EIF2AK4: variants seen among roughly 807,000 people sequenced by gnomAD.
EIF2AK4 encodes the protein eukaryotic translation initiation factor 2 alpha kinase 4, also known as eIF-2-alpha kinase GCN2.
EIF2AK4 carries 139 observed loss-of-function variants against 211.1 expected under a neutral mutation model. That is an observed-to-expected ratio of 0.66 (90% CI 0.57 to 0.76). The LOEUF (loss-of-function observed/expected upper bound fraction) is 0.76. Among genes scored for constraint, EIF2AK4 ranks in the 30% least tolerant of loss-of-function variants. EIF2AK4 has a pLI of 0.00. For missense variants in EIF2AK4, 1,664 were observed against 2,043.8 expected (o/e 0.81, Z 3.58); for synonymous variants, 710 against 751.3 (o/e 0.94, Z 0.90).
intron 4 of EIF2AK4, among the ~76,000 whole-genome samples, chr15:39,951,134 A>AT (rs1470621803): frequency 6.6e-5 from 10 of 152,080 alleles, no homozygotes; most frequent in Non-Finnish European, 1.5e-5. Context: ...TAATAAGAGA[A>AT]TTTTTTGCGG....
rs188124428 is a variant in EIF2AK4, at chr15:40,009,577, T to C, written c.3577-37T>C. ...ATTTGGTCATGTACCAGTAATTGCT[T>C]TTATAATGAAAATAGTAATTTTTCT... On this transcript the variant is annotated intron_variant, in intron 25 of 38. Coordinates refer to ENST00000263791, the MANE Select transcript of EIF2AK4 (RefSeq NM_001013703.4). 113 of 1,394,412 alleles carry C rather than the reference T, an allele frequency of 8.1e-5. No homozygotes were observed. The East Asian group carries it at 2.5e-3, about 31-fold the overall frequency. The allele number at this position is 1,394,412 out of a possible 1,614,324, so 86.4% of individuals were successfully genotyped here.
Position 40,001,015 on chromosome 15 carries a change from C to T in EIF2AK4, c.2950C>T (p.His984Tyr). ...ATCAGTCATCTCCTGGCTGTTGAAC[C>T]ACGATCCAGCAAAACGGCCCACAGC... is the stretch of plus-strand genomic sequence containing the variant. Reference protein sequence around the residue: ...QKSVISWLLNHDPAKRPTATE... With the variant: ...QKSVISWLLNYDPAKRPTATE... Residue 984 changes from histidine to tyrosine, a missense_variant, in exon 21 of 39, where the codon CAC (histidine) becomes TAC (tyrosine). Coordinates refer to ENST00000263791, the MANE Select transcript of EIF2AK4 (RefSeq NM_001013703.4). 2 of 1,614,146 alleles carry T rather than the reference C, an allele frequency of 1.2e-6. No homozygotes were observed. The highest frequency in any genetic ancestry group is 1.7e-6 in the Non-Finnish European group (2 of 1,180,040).
chr15:40,030,776 G>A (rs532901634), intron 35 of EIF2AK4, among the ~76,000 whole-genome samples: 9 of 152,252 alleles, frequency 5.9e-5, no homozygotes, highest in Middle Eastern at 3.4e-3. Flanking sequence ...AGAAGAGGCC[G>A]ATGACAAGAC....
At chr15:39,939,970 T>C (rs1049366574) in intron 2 of EIF2AK4, among the ~76,000 whole-genome samples, 13 of 152,212 alleles carry the variant, frequency 8.5e-5, no homozygotes, top group African/African-American at 3.1e-4. Context: ...CTTGCATAGT[T>C]AGAGTGTGGC....
chr15:39,977,037 CCCGG>C, intron 12 of EIF2AK4, 193 bp downstream of exon 12: 1 of 574,404 alleles, frequency 1.7e-6, no homozygotes, highest in Non-Finnish European at 2.7e-6. Flanking sequence ...ACATCCGCCT[CCCGG>C]GCCAGCGAAT....
At chr15:39,992,669 A>T in intron 17 of EIF2AK4, 100 bp from the exon 18 acceptor site, 1 of 976,162 alleles carries the variant, frequency 1.0e-6, no homozygotes, top group African/African-American at 1.6e-5. Context: ...GACAGTTAAC[A>T]GATCATGCCT....
Position 40,008,169 on chromosome 15 carries a change from A to G in EIF2AK4, c.3550A>G (p.Ile1184Val). Reference sequence around the variant, plus strand: ...TGAAATTATCTACACTATCTATGAAATCATCCAAGAGTTTCCAGCACTTCA... The same window carrying G: ...TGAAATTATCTACACTATCTATGAAGTCATCCAAGAGTTTCCAGCACTTCA... ...TAEIIYTIYE[I>V]IQEFPALQER... The change falls in exon 25 of 39, where the codon ATC becomes GTC. Residue 1184 changes from isoleucine (I) to valine (V), a missense_variant. This residue lies in a region of EIF2AK4 where 622 missense variants were observed against 796.8 expected (regional missense o/e 0.78). Coordinates refer to ENST00000263791, the MANE Select transcript of EIF2AK4 (RefSeq NM_001013703.4). The G allele has an allele frequency of 3.1e-6, 5 of 1,608,486 alleles. No homozygotes were observed. The highest frequency in any genetic ancestry group is 4.2e-6 in the Non-Finnish European group (5 of 1,178,272).
At chr15:39,951,466 T>A in intron 4 of EIF2AK4, 1 of 406,218 alleles carries the variant, frequency 2.5e-6, no homozygotes, top group East Asian at 8.7e-5. Context: ...GTTGGTGTTT[T>A]CAAAAAGGCC....
intron 16 of EIF2AK4, among the ~76,000 whole-genome samples, chr15:39,990,911 C>T (rs1426257193): frequency 6.6e-6 from 1 of 152,182 alleles, no homozygotes; most frequent in African/African-American, 2.4e-5. Context: ...AGCAGAGGCC[C>T]CGGGGTAAGC....
chr15:39,959,751 A>T (rs2034440647), intron 6 of EIF2AK4, among the ~76,000 whole-genome samples: 1 of 152,228 alleles, frequency 6.6e-6, no homozygotes, highest in Non-Finnish European at 1.5e-5. Context: ...TGTAATTTTA[A>T]ATCTTTGCTT....
rs1009798795 is a variant in EIF2AK4 at position 40,028,295 on chromosome 15, C to T, written c.4503-1111C>T. 7.2e-5 allele frequency among the ~76,000 whole-genome samples: 11 copies of T among 152,180 alleles called. No individual in the cohort carries two copies. In the East Asian group the frequency reaches 2.1e-3, roughly 29 times the overall value. On this transcript the variant is annotated intron_variant, in intron 33 of 38. Coordinates refer to ENST00000263791, the MANE Select transcript of EIF2AK4 (RefSeq NM_001013703.4). ...TCCCTATGTTGCCCAGGCTGGTCTC[C>T]AACTCCTGGACTCAAGCAACTCTCC... is the stretch of plus-strand genomic sequence containing the variant.
chr15:39,987,308 C>T (rs2034879632), intron 14 of EIF2AK4, among the ~76,000 whole-genome samples: 1 of 152,152 alleles, frequency 6.6e-6, no homozygotes, highest in African/African-American at 2.4e-5. Context: ...ACAATTATTC[C>T]GAAGGTGATA....
At chr15:39,961,399 A>G (rs955539989) in intron 6 of EIF2AK4, among the ~76,000 whole-genome samples, 1 of 152,234 alleles carries the variant, frequency 6.6e-6, no homozygotes, top group Admixed American at 6.5e-5. Flanking sequence ...AATGATCTGT[A>G]TCTGTGCTGT....
chr15:40,035,018 C>T lies in EIF2AK4; in HGVS notation c.4893-9C>T, dbSNP rs1246250074. On this transcript the variant is annotated splice_polypyrimidine_tract_variant and intron_variant, in intron 38 of 38. Coordinates refer to ENST00000263791, the MANE Select transcript of EIF2AK4 (RefSeq NM_001013703.4). ...AGTCTGTCCTTATATCTTTTCTTTT[C>T]TTTTGCAGGGTGTCTGTGCTATTTC... The T allele has an allele frequency of 1.9e-6, 3 of 1,575,822 alleles. No individual in the cohort carries two copies. The highest frequency in any genetic ancestry group is 2.3e-5 in the South Asian group (2 of 86,876).
At chr15:40,032,378 A>G in intron 36 of EIF2AK4, 141 bp downstream of exon 36, 2 of 681,432 alleles carry the variant, frequency 2.9e-6, no homozygotes, top group East Asian at 5.4e-5. Flanking sequence ...CACGCAATTT[A>G]AAACTATTAA....
Position 39,955,675 on chromosome 15 carries a change from C to T in EIF2AK4, c.650C>T (p.Pro217Leu), listed in dbSNP as rs200433010. 6.2e-7 allele frequency: 1 copy of T among 1,612,886 alleles called. No homozygotes were observed. The highest frequency in any genetic ancestry group is 2.2e-5 in the East Asian group (1 of 44,806). The change falls in exon 6 of 39, where the codon CCA becomes CTA. Residue 217 changes from proline (P) to leucine (L), a missense_variant. Pro to Leu is a moderately conservative substitution (Grantham distance 98). This residue lies in a region of EIF2AK4 where 641 missense variants were observed against 729.6 expected (regional missense o/e 0.88). Coordinates refer to ENST00000263791, the MANE Select transcript of EIF2AK4 (RefSeq NM_001013703.4). ...SNQDHTSKKD[P>L]GGHRTAAILH... is the part of the protein sequence containing the mutation. ...CAAGATCATACCTCTAAGAAGGACC[C>T]AGGAGGACACAGAACGGCTGCCATT...
chr15:40,018,237 ATTTG>A (rs2035336262), intron 29 of EIF2AK4, among the ~76,000 whole-genome samples: 2 of 152,140 alleles, frequency 1.3e-5, no homozygotes, highest in Admixed American at 6.5e-5. Context: ...ATTTGCTGTT[ATTTG>A]AGTTACTTTT....
At chr15:39,940,789 C>T (rs935003334) in intron 2 of EIF2AK4, among the ~76,000 whole-genome samples, 12 of 151,852 alleles carry the variant, frequency 7.9e-5, no homozygotes, top group African/African-American at 2.9e-4. Flanking sequence ...TAGCAAAGAC[C>T]CCACAGATTA....
chr15:39,950,774 C>G (rs1304848697), intron 4 of EIF2AK4, among the ~76,000 whole-genome samples: 12 of 151,922 alleles, frequency 7.9e-5, no homozygotes, highest in Admixed American at 7.9e-4. Flanking sequence ...CACCTGTGAA[C>G]CTTGTTAGGA....
Sources: gnomAD v4.1 joint callset for allele counts (sites outside exome capture counted in the v4.1 genomes callset) on GRCh38, gnomAD v4.1.1 for gene constraint, gnomAD v4.1.1 regional missense constraint, MANE v1.5 for transcripts, NCBI Gene and HGNC (gene_info 2026-07-23, HGNC 2026-07-21) for gene names.